Variants in MTBP observed in about 807,000 individuals in gnomAD.
MTBP encodes MDM2 binding protein, also known as mdm2-binding protein.
MTBP carries 101 observed loss-of-function variants against 117.0 expected under a neutral mutation model. That is an observed-to-expected ratio of 0.86 (90% CI 0.73 to 1.02). MTBP has a LOEUF of 1.02. Among genes scored for constraint, MTBP ranks in the 50% least tolerant of loss-of-function variants. The probability of loss-of-function intolerance (pLI) is 0.00; values close to 1 mark genes in which losing one functional copy is unlikely to be tolerated. For missense variants in MTBP, 970 were observed against 1,030.9 expected (o/e 0.94, Z 0.81); for synonymous variants, 350 against 351.5 (o/e 1.00, Z 0.05).
rs1385353776 is a variant in MTBP, at chr8:120,455,431, C to T, written c.485-4C>T. The T allele has an allele frequency of 6.3e-7, 1 of 1,576,212 alleles. No individual in the cohort carries two copies. The highest frequency in any genetic ancestry group is 1.2e-5 in the South Asian group (1 of 83,564). Reference sequence around the variant, plus strand: ...ATTACAAAAATGCCTTTTTCTCTTTCTAGGTAGAGCAATGGTAGATATAAT... The same window carrying T: ...ATTACAAAAATGCCTTTTTCTCTTTTTAGGTAGAGCAATGGTAGATATAAT... On this transcript the variant is annotated splice_region_variant and splice_polypyrimidine_tract_variant and intron_variant, in intron 5 of 21. Coordinates refer to ENST00000305949, the MANE Select transcript of MTBP (RefSeq NM_022045.5).
At chr8:120,509,816 C>A (rs1459990157) in intron 16 of MTBP, 118 bp from the exon 17 acceptor site, 5 of 640,774 alleles carry the variant, frequency 7.8e-6, no homozygotes, top group Non-Finnish European at 1.3e-5. Flanking sequence ...AACCTTTGTC[C>A]CATATAAAAT....
Position 120,453,834 on chromosome 8 carries a change from C to T in MTBP, c.426-13C>T. 2 of 1,469,308 alleles carry T rather than the reference C, an allele frequency of 1.4e-6. No individual in the cohort carries two copies. The allele number at this position is 1,469,308 out of a possible 1,614,324, so 91.0% of individuals were successfully genotyped here. On this transcript the variant is annotated splice_polypyrimidine_tract_variant and intron_variant, in intron 4 of 21. Coordinates refer to ENST00000305949, the MANE Select transcript of MTBP (RefSeq NM_022045.5). Reference sequence around the variant, plus strand: ...ATGGGGTTTTCTTTCCCTAACTTACCCTTTTATTTTAGTCTCTATGAAGAA... The same window carrying T: ...ATGGGGTTTTCTTTCCCTAACTTACTCTTTTATTTTAGTCTCTATGAAGAA...
At chr8:120,518,680 G>A (rs368356159) in intron 19 of MTBP, 24 bp from the exon 20 acceptor site, 77 of 1,472,316 alleles carry the variant, frequency 5.2e-5, no homozygotes, top group Middle Eastern at 1.8e-4. Context: ...AGAAATATTC[G>A]TCATATGTTA....
At chr8:120,478,610 A>G (rs937829543) in intron 11 of MTBP, among the ~76,000 whole-genome samples, 5 of 152,224 alleles carry the variant, frequency 3.3e-5, no homozygotes, top group Admixed American at 2.0e-4. Context: ...GGAGAAAATC[A>G]TATCTGATTG....
At position 120,523,332 on chromosome 8, in the gene MTBP, A is replaced by C. The variant is rs1815036263; in HGVS notation, c.2711A>C (p.Lys904Thr). ...IDWVLEKTSK[K>T] ...TGGGTATTAGAAAAGACAAGCAAGA[A>C]ATGATACATAATCATTCTCTTTAAG... Residue 904 changes from lysine to threonine, a missense_variant, in exon 22 of 22, where the codon AAA becomes ACA. Transcript: ENST00000305949. The C allele has an allele frequency of 1.3e-6, 2 of 1,542,428 alleles. No individual in the cohort carries two copies. The highest frequency in any genetic ancestry group is 2.8e-5 in the African/African-American group (2 of 72,598).
intron 11 of MTBP, chr8:120,473,471 G>T (rs1813865921): frequency 6.6e-6 from 1 of 152,140 alleles, no homozygotes; most frequent in Non-Finnish European, 1.5e-5. Flanking sequence ...ACTTAAGGAA[G>T]TAGATTCATT....
At position 120,522,810 on chromosome 8, in the gene MTBP, C is replaced by G. The variant is rs12681110; in HGVS notation, c.2676+91C>G. On this transcript the variant is annotated intron_variant, in intron 21 of 21. Coordinates refer to ENST00000305949, the MANE Select transcript of MTBP (RefSeq NM_022045.5). ...ATGCCATTATATATGCAGCAGTAAT[C>G]AGTTACTGGTCTTTTTCAACTCTGT... 4 of 912,410 alleles carry G rather than the reference C, an allele frequency of 4.4e-6. No homozygotes were observed. The African/African-American group carries it at 5.1e-5, about 12-fold the overall frequency. 56.5% of individuals were successfully genotyped at this position (912,410 alleles called of 1,614,324 possible).
intron 17 of MTBP, among the ~76,000 whole-genome samples, chr8:120,511,152 G>C (rs1237490760): frequency 6.6e-6 from 1 of 152,114 alleles, no homozygotes. Context: ...TTTGACTAAA[G>C]GATTCCTTGT....
In MTBP at chr8:120,516,015, C is replaced by T. The variant is rs1814910719; in HGVS notation, c.2070C>T (p.Thr690=). Residue 690 remains threonine (T), a synonymous_variant, in exon 18 of 22, where the codon ACC becomes ACT. Transcript: ENST00000305949. The part of the protein sequence containing the change: ...SRLIRYETQT[T]CTRESFPVPT... ...TTATTCGTTATGAAACTCAAACTAC[C>T]TGCACCAGAGAAAGTTTTCCAGTAC... 6.2e-7 allele frequency: 1 copy of T among 1,613,078 alleles called. No homozygotes were observed. Among genetic ancestry groups the T allele is most frequent in the East Asian group, 2.2e-5 (1 of 44,850 alleles).
intron 11 of MTBP, among the ~76,000 whole-genome samples, chr8:120,478,737 G>A (rs1186786249): frequency 1.3e-5 from 2 of 152,164 alleles, no homozygotes; most frequent in African/African-American, 4.8e-5. Flanking sequence ...TCACCATGGT[G>A]AAAGTATTTC....
chr8:120,481,337 A>G (rs1049004941), intron 11 of MTBP, among the ~76,000 whole-genome samples: 1 of 152,244 alleles, frequency 6.6e-6, no homozygotes, highest in African/African-American at 2.4e-5. Flanking sequence ...CCCAGGAGAA[A>G]TGAGAACGTA....
At chr8:120,452,844 A>G (rs1030936247) in intron 4 of MTBP, 1 of 151,686 alleles carries the variant, frequency 6.6e-6, no homozygotes, top group Admixed American at 6.6e-5. Flanking sequence ...AAAAAAAAAA[A>G]AAAAGAAAAG....
intron 17 of MTBP, among the ~76,000 whole-genome samples, chr8:120,514,507 A>T (rs12155569): frequency 6.6e-6 from 1 of 151,804 alleles, no homozygotes; most frequent in Non-Finnish European, 1.5e-5. Context: ...ACACTGAGCA[A>T]GTAGTATTTC....
chr8:120,497,327 A>G, intron 13 of MTBP, 66 bp from the exon 14 acceptor site: 1 of 1,375,210 alleles, frequency 7.3e-7, no homozygotes, highest in Non-Finnish European at 9.9e-7. Context: ...AATATTTTCC[A>G]CAAAAGACTA....
chr8:120,483,193 T>G (rs1317906930), intron 11 of MTBP, among the ~76,000 whole-genome samples: 2 of 151,946 alleles, frequency 1.3e-5, no homozygotes, highest in African/African-American at 4.8e-5. Flanking sequence ...GTAATTAGAT[T>G]TATTTTTTTT....
chr8:120,445,957 C>T lies in MTBP; in HGVS notation c.118+369C>T, dbSNP rs1293352819. Among the ~76,000 whole-genome samples, 15 of 152,234 alleles carry T rather than the reference C, an allele frequency of 9.9e-5. No individual in the cohort carries two copies. In the South Asian group the frequency reaches 2.7e-3, roughly 27 times the overall value. On this transcript the variant is annotated intron_variant, in intron 1 of 21. Coordinates refer to ENST00000305949, the MANE Select transcript of MTBP (RefSeq NM_022045.5). ...CAAGATGGACAAAGATCTTGCTGTC[C>T]TACAATTTACATCTAATGGGAGGAG...
At chr8:120,467,058 G>C (rs1217589000) in intron 10 of MTBP, among the ~76,000 whole-genome samples, 2 of 152,102 alleles carry the variant, frequency 1.3e-5, no homozygotes, top group Admixed American at 1.3e-4. Flanking sequence ...TCTTCAGTCA[G>C]CATCTTAGCT....
At chr8:120,457,871 G>A (rs1219255080) in intron 7 of MTBP, among the ~76,000 whole-genome samples, 1 of 151,500 alleles carries the variant, frequency 6.6e-6, no homozygotes. Flanking sequence ...GTGTGAACCC[G>A]GGAGGCGGAG....
At chr8:120,458,364 T>C (rs1234608481) in intron 7 of MTBP, among the ~76,000 whole-genome samples, 1 of 152,198 alleles carries the variant, frequency 6.6e-6, no homozygotes, top group Admixed American at 6.5e-5. Context: ...CATAGATTTT[T>C]GTGAGAATTA....
Sources: gnomAD v4.1 joint callset for allele counts (sites outside exome capture counted in the v4.1 genomes callset) on GRCh38, gnomAD v4.1.1 for gene constraint, MANE v1.5 for transcripts, NCBI Gene and HGNC (gene_info 2026-07-23, HGNC 2026-07-21) for gene names.